The following ENO4 variants were observed in gnomAD, a reference collection of about 807,000 sequenced individuals.
ENO4 encodes the protein enolase 4, also known as 2-phospho-D-glycerate hydro-lyase.
ENO4 carries 53 observed loss-of-function variants against 63.2 expected under a neutral mutation model. That is an observed-to-expected ratio of 0.84 (90% CI 0.67 to 1.05). ENO4 has a LOEUF of 1.05. Among genes scored for constraint, ENO4 ranks in the 50% least tolerant of loss-of-function variants. The pLI is 0.00. For synonymous variants in ENO4, 266 were observed against 283.8 expected, an observed-to-expected ratio of 0.94 and a Z score of 0.63; for missense variants, 719 against 772.0, an observed-to-expected ratio of 0.93 and a Z score of 0.81.
At chr10:116,862,971 C>T in intron 7 of ENO4, 119 bp downstream of exon 7, 1 of 747,864 alleles carries the variant, frequency 1.3e-6, no homozygotes, top group Non-Finnish European at 2.2e-6. Context: ...TATTTATTGG[C>T]TTTGGGTTTC....
intron 7 of ENO4, among the ~76,000 whole-genome samples, chr10:116,868,303 G>T (rs1195982123): frequency 6.6e-6 from 1 of 152,178 alleles, no homozygotes; most frequent in Non-Finnish European, 1.5e-5. Context: ...GCAGAAAAAG[G>T]GTGCCTGCAC....
At chr10:116,901,211 G>A (rs999876754) in intron 10 of ENO4, 1 of 985,196 alleles carries the variant, frequency 1.0e-6, no homozygotes. Flanking sequence ...AGATCTGTCT[G>A]AAACACATTC....
rs1289477594 is a variant in ENO4 at position 116,879,949 on chromosome 10, C to T, written c.1686C>T (p.Leu562=). 2.3e-5 allele frequency: 35 copies of T among 1,550,736 alleles called. No individual in the cohort carries two copies. The highest frequency in any genetic ancestry group is 2.9e-5 in the Non-Finnish European group (33 of 1,147,028). The change falls in exon 13 of 14, where the codon CTC becomes CTT. Residue 562 remains leucine, a synonymous_variant. Coordinates refer to ENST00000341276, the MANE Select transcript of ENO4 (RefSeq NM_001242699.2). The stretch of plus-strand genomic sequence containing the variant: ...GAGTGACTAAATACAACCGCCTTCT[C>T]ACTATAGAGGAAGAACTTGTCCAGA... ...GERVTKYNRL[L]TIEEELVQNG... is the part of the protein sequence containing the mutation.
intron 10 of ENO4, among the ~76,000 whole-genome samples, chr10:116,910,101 A>G (rs1848130427): frequency 6.6e-6 from 1 of 152,122 alleles, no homozygotes; most frequent in Non-Finnish European, 1.5e-5. Flanking sequence ...CTTTCTTTTT[A>G]TCTTTCTTAT....
chr10:116,871,044 C>G, intron 8 of ENO4, 81 bp from the exon 9 acceptor site: 1 of 1,262,338 alleles, frequency 7.9e-7, no homozygotes, highest in Non-Finnish European at 1.1e-6. Context: ...TATATCTGAT[C>G]ATAAACCATG....
intron 1 of ENO4, among the ~76,000 whole-genome samples, chr10:116,851,543 G>GT (rs1047342720): frequency 6.6e-6 from 1 of 152,210 alleles, no homozygotes; most frequent in Admixed American, 6.5e-5. Flanking sequence ...CTTAGTAACT[G>GT]CCCTAGTTTT....
At chr10:116,879,453 C>A (rs1042786430) in intron 12 of ENO4, 95 bp downstream of exon 12, 23 of 928,780 alleles carry the variant, frequency 2.5e-5, no homozygotes, top group Non-Finnish European at 3.7e-5. Context: ...AGGCATGTAA[C>A]CTTTTATGAA....
chr10:116,910,622 A>G (rs1848154060), intron 10 of ENO4, among the ~76,000 whole-genome samples: 1 of 152,138 alleles, frequency 6.6e-6, no homozygotes, highest in African/African-American at 2.4e-5. Flanking sequence ...AGTATAGTCT[A>G]CTCTTTCACT....
At chr10:116,893,863 T>C (rs897858093) in intron 10 of ENO4, among the ~76,000 whole-genome samples, 2 of 152,200 alleles carry the variant, frequency 1.3e-5, no homozygotes, top group Non-Finnish European at 2.9e-5. Flanking sequence ...TTTGCTAATG[T>C]ATTTCAAAAG....
intron 10 of ENO4, chr10:116,900,420 C>T: frequency 1.1e-6 from 1 of 909,106 alleles, no homozygotes; most frequent in Non-Finnish European, 1.7e-6. Flanking sequence ...ACATATTTTG[C>T]AGACCTTGGG....
chr10:116,852,312 AAACT>A (rs1214268523), intron 1 of ENO4, among the ~76,000 whole-genome samples: 1 of 152,234 alleles, frequency 6.6e-6, no homozygotes, highest in Non-Finnish European at 1.5e-5. Context: ...GTGTGAGAAC[AAACT>A]AAGACAGACA....
At chr10:116,910,681 C>A (rs1458077100) in intron 10 of ENO4, among the ~76,000 whole-genome samples, 1 of 152,152 alleles carries the variant, frequency 6.6e-6, no homozygotes, top group Non-Finnish European at 1.5e-5. Context: ...CATGAATTAG[C>A]ATTATAACAC....
intron 6 of ENO4, 53 bp from the exon 7 acceptor site, chr10:116,862,746 A>AGG (rs1199081856): frequency 7.3e-7 from 1 of 1,366,732 alleles, no homozygotes; most frequent in Non-Finnish European, 1.0e-6. Context: ...AAGTTTTTAT[A>AGG]CTTAAATTTT....
chr10:116,878,806 C>T (rs375047737), intron 11 of ENO4, among the ~76,000 whole-genome samples: 40 of 137,382 alleles, frequency 2.9e-4, no homozygotes, highest in South Asian at 1.4e-3. Flanking sequence ...TGCAGTGGCG[C>T]GATCTCAGCT....
chr10:116,852,254 A>T (rs1052108350), intron 1 of ENO4, among the ~76,000 whole-genome samples: 1 of 152,012 alleles, frequency 6.6e-6, no homozygotes, highest in Non-Finnish European at 1.5e-5. Context: ...AGTCAATTAA[A>T]CCTCTTTCCT....
At chr10:116,905,208 CAA>C (rs772309175) in intron 10 of ENO4, among the ~76,000 whole-genome samples, 141 of 63,434 alleles carry the variant, frequency 2.2e-3, no homozygotes, top group African/African-American at 6.4e-3. Flanking sequence ...GACTCCGTCT[CAA>C]AAAAAAAAAA....
intron 6 of ENO4, among the ~76,000 whole-genome samples, chr10:116,861,549 A>C (rs531123808): frequency 6.6e-6 from 1 of 152,344 alleles, no homozygotes; most frequent in Non-Finnish European, 1.5e-5. Context: ...ACTTCCTAGC[A>C]GCCCACTCTG....
intron 11 of ENO4, among the ~76,000 whole-genome samples, chr10:116,877,433 A>G (rs1369549293): frequency 6.6e-6 from 1 of 152,118 alleles, no homozygotes; most frequent in Non-Finnish European, 1.5e-5. Context: ...TCTAGGAGGG[A>G]TCAGAATTTG....
chr10:116,876,541 C>G (rs972663372), intron 11 of ENO4, among the ~76,000 whole-genome samples: 1 of 152,258 alleles, frequency 6.6e-6, no homozygotes, highest in Admixed American at 6.5e-5. Flanking sequence ...GTGGGGAGAG[C>G]CTTTCTGCCT....
Sources: gnomAD v4.1 joint callset for allele counts (sites outside exome capture counted in the v4.1 genomes callset) on GRCh38, gnomAD v4.1.1 for gene constraint, MANE v1.5 for transcripts, NCBI Gene and HGNC (gene_info 2026-07-23, HGNC 2026-07-21) for gene names.